SOAT1: variants seen among roughly 807,000 people sequenced by gnomAD.
SOAT1 encodes the protein acyl-coenzyme A:cholesterol acyltransferase 1.
A neutral mutation model predicts 69.5 loss-of-function variants in SOAT1; 55 were observed. The ratio of observed to expected loss-of-function variants is 0.79; its 90% CI spans 0.64 to 0.99. The LOEUF (loss-of-function observed/expected upper bound fraction) is 0.99, where lower values mean the gene tolerates loss of function less well. SOAT1 is among the 50% of genes least tolerant of loss of function. The probability of loss-of-function intolerance (pLI) is 0.00; values close to 1 mark genes in which losing one functional copy is unlikely to be tolerated. For synonymous variants in SOAT1, 231 were observed against 224.7 expected, an observed-to-expected ratio of 1.03 and a Z score of -0.25; for missense variants, 580 against 669.3, an observed-to-expected ratio of 0.87 and a Z score of 1.47.
intron 3 of SOAT1, among the ~76,000 whole-genome samples, chr1:179,331,218 G>C (rs151017140): frequency 1.3e-5 from 2 of 152,306 alleles, no homozygotes; most frequent in East Asian, 3.9e-4. Flanking sequence ...AGTTTATTGT[G>C]CTTTATGATT....
chr1:179,331,268 C>T (rs1665963000), intron 3 of SOAT1, among the ~76,000 whole-genome samples: 1 of 152,134 alleles, frequency 6.6e-6, no homozygotes, highest in Admixed American at 6.5e-5. Context: ...TGTCCTGTTG[C>T]CCTCGAATGT....
intron 11 of SOAT1, 23 bp from the exon 12 acceptor site, chr1:179,347,577 A>G (rs753376555): frequency 3.1e-5 from 44 of 1,414,454 alleles, no homozygotes; most frequent in Non-Finnish European, 4.4e-5. Flanking sequence ...AAAGACTGTT[A>G]ATATTGTTAA....
chr1:179,307,860 C>T (rs1337556521), intron 2 of SOAT1, among the ~76,000 whole-genome samples: 1 of 150,782 alleles, frequency 6.6e-6, no homozygotes, highest in Non-Finnish European at 1.5e-5. Context: ...GGCACAATCT[C>T]GGCTCACCAC....
At chr1:179,343,037 A>G (rs1666394918) in intron 9 of SOAT1, 94 bp downstream of exon 9, 3 of 878,416 alleles carry the variant, frequency 3.4e-6, no homozygotes, top group Admixed American at 3.7e-5. Context: ...ATGTAGGGAC[A>G]TAGAAAATAT....
chr1:179,343,656 A>G (rs1297885395), intron 10 of SOAT1, 21 bp downstream of exon 10: 1 of 1,575,606 alleles, frequency 6.3e-7, no homozygotes, highest in Non-Finnish European at 8.7e-7. Context: ...GTAACTGCCT[A>G]AGGTATGTTG....
intron 2 of SOAT1, among the ~76,000 whole-genome samples, chr1:179,312,343 A>G (rs1665247597): frequency 6.6e-6 from 1 of 152,202 alleles, no homozygotes; most frequent in Non-Finnish European, 1.5e-5. Context: ...TAAGGGACAG[A>G]TAGAAATAAT....
chr1:179,326,758 A>AT (rs1335018227), intron 3 of SOAT1, among the ~76,000 whole-genome samples: 3 of 151,920 alleles, frequency 2.0e-5, no homozygotes, highest in African/African-American at 7.3e-5. Flanking sequence ...GGGTTTCACC[A>AT]TGTTGGCCAG....
chr1:179,310,636 A>G (rs180867676), intron 2 of SOAT1, among the ~76,000 whole-genome samples: 3 of 152,222 alleles, frequency 2.0e-5, no homozygotes, highest in Non-Finnish European at 4.4e-5. Context: ...TAACCATACT[A>G]TGGACATAAA....
chr1:179,297,579 C>T (rs1354682141), intron 1 of SOAT1, among the ~76,000 whole-genome samples: 2 of 151,836 alleles, frequency 1.3e-5, no homozygotes, highest in Non-Finnish European at 2.9e-5. Context: ...TTGTGATCCA[C>T]CCGCCTCAGC....
chr1:179,336,233 C>G (rs12045521), intron 4 of SOAT1, among the ~76,000 whole-genome samples: 2 of 150,958 alleles, frequency 1.3e-5, no homozygotes, highest in Non-Finnish European at 2.9e-5. Context: ...GAGGGCGAGG[C>G]GGGTGGATCA....
At chr1:179,312,022 A>G (rs75635629) in intron 2 of SOAT1, among the ~76,000 whole-genome samples, 1,895 of 152,340 alleles carry the variant, frequency 0.012, 29 homozygotes, top group African/African-American at 0.044. Flanking sequence ...ATTAAGAAAC[A>G]TAGAAGACAT....
Position 179,325,354 on chromosome 1 carries a change from G to A in SOAT1, c.177+1859G>A, listed in dbSNP as rs112689462. Among the ~76,000 whole-genome samples, 69 of 151,038 alleles carry A rather than the reference G, an allele frequency of 4.6e-4. No homozygotes were observed. The South Asian group carries it at 8.2e-3, about 18-fold the overall frequency. ...TTTTTGGTAGAGACGGGGTTTCACC[G>A]TGTTAGCCAGGATGGTCTCAATCTC... On this transcript the variant is annotated intron_variant, in intron 3 of 15. Transcript: ENST00000367619.
At chr1:179,326,010 G>T (rs939282094) in intron 3 of SOAT1, among the ~76,000 whole-genome samples, 1 of 152,108 alleles carries the variant, frequency 6.6e-6, no homozygotes, top group Non-Finnish European at 1.5e-5. Flanking sequence ...GTGACATAAG[G>T]GTTGCAGAGT....
At chr1:179,295,628 CAG>C (rs1196764216) in intron 1 of SOAT1, among the ~76,000 whole-genome samples, 3 of 152,202 alleles carry the variant, frequency 2.0e-5, no homozygotes, top group Non-Finnish European at 4.4e-5. Flanking sequence ...AGGTGCGAAA[CAG>C]AGTACAATAA....
intron 1 of SOAT1, among the ~76,000 whole-genome samples, chr1:179,301,235 G>A (rs1182675859): frequency 6.6e-6 from 1 of 152,090 alleles, no homozygotes; most frequent in Non-Finnish European, 1.5e-5. Context: ...GCCCAACTAG[G>A]GAAACACATG....
intron 1 of SOAT1, 34 bp from the exon 2 acceptor site, chr1:179,302,643 C>A: frequency 7.1e-7 from 1 of 1,406,358 alleles, no homozygotes; most frequent in Non-Finnish European, 9.8e-7. Context: ...TGAAAACGGA[C>A]TAATACGAAA....
At chr1:179,337,599 TTGTGTA>T (rs748901026) in intron 4 of SOAT1, among the ~76,000 whole-genome samples, 5 of 152,210 alleles carry the variant, frequency 3.3e-5, no homozygotes, top group Non-Finnish European at 5.9e-5. Context: ...TTCTTAAGAG[TTGTGTA>T]TGTACCTGCC....
chr1:179,338,206 C>T (rs77801412), intron 5 of SOAT1, among the ~76,000 whole-genome samples: 2 of 151,926 alleles, frequency 1.3e-5, no homozygotes, highest in Non-Finnish European at 2.9e-5. Flanking sequence ...TTGGGCAACA[C>T]GGCAAGTCTC....
In SOAT1 at chr1:179,339,554, A is replaced by G; in HGVS notation, c.497+9A>G. ...TACATTGATGAAGGAAGGTAAGACA[A>G]CAAAAAAGATGGCTGGCTAGTTGAT... On this transcript the variant is annotated intron_variant, in intron 6 of 15. Coordinates refer to ENST00000367619, the MANE Select transcript of SOAT1 (RefSeq NM_003101.6). 2 of 1,566,558 alleles carry G rather than the reference A, an allele frequency of 1.3e-6. No individual in the cohort carries two copies. The highest frequency in any genetic ancestry group is 1.2e-5 in the South Asian group (1 of 86,908).
Sources: allele counts gnomAD v4.1 joint callset (sites outside exome capture counted in the v4.1 genomes callset), GRCh38; gene constraint gnomAD v4.1.1; transcripts MANE v1.5; gene names NCBI Gene and HGNC (gene_info 2026-07-23, HGNC 2026-07-21).